Variants in CXADR observed in about 807,000 individuals in gnomAD.
CXADR encodes CXADR cell adhesion molecule.
In CXADR, 20 loss-of-function variants were observed where a neutral mutation model predicts 40.3. The observed-to-expected ratio is 0.50, with a 90% CI of 0.35 to 0.72. The LOEUF is 0.72. CXADR is among the 30% of genes least tolerant of loss of function. CXADR has a pLI of 0.01. For missense variants in CXADR, 332 were observed against 449.1 expected, an observed-to-expected ratio of 0.74 and a Z score of 2.36; for synonymous variants, 150 against 161.3, an observed-to-expected ratio of 0.93 and a Z score of 0.53.
In CXADR at chr21:17,569,918, A is replaced by G; in HGVS notation, c.*4226A>G. 1 of 985,400 alleles carries G rather than the reference A, an allele frequency of 1.0e-6. No individual in the cohort carries two copies. Among genetic ancestry groups the G allele is most frequent in the Non-Finnish European group, 1.2e-6 (1 of 829,912 alleles). The allele number at this position is 985,400 out of a possible 1,614,324, so 61.0% of individuals were successfully genotyped here. A position where few individuals can be genotyped will look rare whatever the true frequency, so the allele number is the denominator to read the frequency against. On this transcript the variant is annotated 3_prime_UTR_variant, in exon 7 of 7. Transcript: ENST00000284878. ...CTGTACTACTGAGGAAAATATTCTG[A>G]CACTTCACGTGTGCAAAGTATAGAA...
chr21:17,575,091 G>A (rs2061310935), downstream of CXADR, among the ~76,000 whole-genome samples: 1 of 150,316 alleles, frequency 6.7e-6, no homozygotes, highest in South Asian at 2.1e-4. Context: ...CAGCCAGTGA[G>A]AAAGATAATA....
Position 17,519,452 on chromosome 21 carries a change from A to G in CXADR, c.43+6280A>G, listed in dbSNP as rs375892449. On this transcript the variant is annotated intron_variant, in intron 1 of 6. Transcript: ENST00000284878. ...ACTAGTCATGTCTGAGTCAGTTTTT[A>G]ATCTAAAGAAGCTGAGCTTCTGCTT... Among the ~76,000 whole-genome samples the G allele has an allele frequency of 3.9e-5, 6 of 152,296 alleles. No individual in the cohort carries two copies. In the East Asian group the frequency reaches 1.2e-3, roughly 29 times the overall value.
At chr21:17,580,058 G>A (rs557484579) in intron 7 of CXADR, among the ~76,000 whole-genome samples, 1 of 152,226 alleles carries the variant, frequency 6.6e-6, no homozygotes, top group South Asian at 2.1e-4. Context: ...CCTGGCCTCA[G>A]GCAGTCTTTA....
At chr21:17,521,795 C>T (rs1475355170) in intron 1 of CXADR, among the ~76,000 whole-genome samples, 2 of 152,188 alleles carry the variant, frequency 1.3e-5, no homozygotes, top group Non-Finnish European at 2.9e-5. Context: ...ACTCTTTTAA[C>T]TTCCCTCCAT....
chr21:17,530,020 C>T (rs2060650843), intron 1 of CXADR, among the ~76,000 whole-genome samples: 1 of 151,148 alleles, frequency 6.6e-6, no homozygotes, highest in Non-Finnish European at 1.5e-5. Context: ...TTGATCTCGA[C>T]TCACTGCAAC....
chr21:17,553,172 C>T (rs2123275276), intron 3 of CXADR, among the ~76,000 whole-genome samples: 1 of 152,304 alleles, frequency 6.6e-6, no homozygotes, highest in Non-Finnish European at 1.5e-5. Flanking sequence ...ATCCACCCAC[C>T]TCGGCCACCC....
At position 17,567,101 on chromosome 21, in the gene CXADR, G is replaced by A. The variant is rs1269355399; in HGVS notation, c.*1409G>A. Reference sequence around the variant, plus strand: ...TGAGGGAGTGTGGATACAGTAGAATGAGCCAACAGTTTCTTTATAATAAAT... The same window carrying A: ...TGAGGGAGTGTGGATACAGTAGAATAAGCCAACAGTTTCTTTATAATAAAT... On this transcript the variant is annotated 3_prime_UTR_variant, in exon 7 of 7. Coordinates refer to ENST00000284878, the MANE Select transcript of CXADR (RefSeq NM_001338.5). 1 of 982,762 alleles carries A rather than the reference G, an allele frequency of 1.0e-6. No homozygotes were observed. The highest frequency in any genetic ancestry group is 1.2e-6 in the Non-Finnish European group (1 of 827,658). The allele number at this position is 982,762 out of a possible 1,614,324, so 60.9% of individuals were successfully genotyped here.
chr21:17,553,304 A>G (rs2060993172), intron 3 of CXADR, among the ~76,000 whole-genome samples: 1 of 152,226 alleles, frequency 6.6e-6, no homozygotes, highest in African/African-American at 2.4e-5. Flanking sequence ...CCTAGAGACT[A>G]GGAACAAGAG....
chr21:17,595,774 T>C (rs536620893), downstream of CXADR, among the ~76,000 whole-genome samples: 1 of 152,130 alleles, frequency 6.6e-6, no homozygotes, highest in African/African-American at 2.4e-5. Flanking sequence ...TATAGGCATA[T>C]TTTCGTTTCT....
At chr21:17,576,574 T>A (rs1244350441) in intron 7 of CXADR, among the ~76,000 whole-genome samples, 1 of 152,152 alleles carries the variant, frequency 6.6e-6, no homozygotes, top group Non-Finnish European at 1.5e-5. Flanking sequence ...ATCCCACTTT[T>A]CCGGGGGTAG....
chr21:17,616,177 G>A, the CXADR span, among the ~76,000 whole-genome samples: 2 of 151,610 alleles, frequency 1.3e-5, no homozygotes, highest in Non-Finnish European at 2.9e-5. Context: ...CTTGAACCTG[G>A]GAGGTGGAGG....
At chr21:17,545,737 G>T (rs2060887839) in intron 1 of CXADR, among the ~76,000 whole-genome samples, 1 of 150,318 alleles carries the variant, frequency 6.7e-6, no homozygotes, top group Non-Finnish European at 1.5e-5. Flanking sequence ...TGAACAGTAA[G>T]AAGTGTCTCA....
chr21:17,544,881 T>C (rs552527204), intron 1 of CXADR, among the ~76,000 whole-genome samples: 30 of 152,184 alleles, frequency 2.0e-4, no homozygotes, highest in Non-Finnish European at 4.0e-4. Context: ...TTTGACTTTA[T>C]TAAAATTTTA....
At chr21:17,524,925 A>G (rs910862344) in intron 1 of CXADR, among the ~76,000 whole-genome samples, 5 of 152,162 alleles carry the variant, frequency 3.3e-5, no homozygotes, top group African/African-American at 7.2e-5. Flanking sequence ...AAGTTAGCCA[A>G]TTAGACTTAA....
At chr21:17,528,068 C>CTTTCT (rs2060620201) in intron 1 of CXADR, among the ~76,000 whole-genome samples, 1 of 78,352 alleles carries the variant, frequency 1.3e-5, no homozygotes, top group African/African-American at 5.1e-5. Flanking sequence ...TTAGTTCTTT[C>CTTTCT]TTTTTTTTTT....
At chr21:17,562,123 G>A (rs1028059713) in intron 6 of CXADR, among the ~76,000 whole-genome samples, 1 of 144,164 alleles carries the variant, frequency 6.9e-6, no homozygotes, top group Admixed American at 7.2e-5. Context: ...GTAGCATTAT[G>A]TGTAAAAAAA....
At chr21:17,584,667 T>C (rs1333839288) in intron 7 of CXADR, among the ~76,000 whole-genome samples, 1 of 152,120 alleles carries the variant, frequency 6.6e-6, no homozygotes, top group Non-Finnish European at 1.5e-5. Context: ...CTGTCTCTAC[T>C]AAAAATACAA....
chr21:17,611,337 AT>A, the CXADR span, among the ~76,000 whole-genome samples: 1 of 152,196 alleles, frequency 6.6e-6, no homozygotes, highest in African/African-American at 2.4e-5. Flanking sequence ...CATTCATTAC[AT>A]TTGCCAACTA....
chr21:17,584,265 C>T (rs1357386228), intron 7 of CXADR, among the ~76,000 whole-genome samples: 4 of 152,182 alleles, frequency 2.6e-5, no homozygotes, highest in African/African-American at 9.7e-5. Flanking sequence ...GCACCTAGTC[C>T]AGCGTTTGGC....
Sources: allele counts gnomAD v4.1 joint callset (sites outside exome capture counted in the v4.1 genomes callset), GRCh38; gene constraint gnomAD v4.1.1; transcripts MANE v1.5; gene names NCBI Gene and HGNC (gene_info 2026-07-23, HGNC 2026-07-21).